The following HDAC4 variants were observed in gnomAD, a reference collection of about 807,000 sequenced individuals.
HDAC4 encodes histone deacetylase 4.
HDAC4 carries 16 observed loss-of-function variants against 135.1 expected under a neutral mutation model. That is an observed-to-expected ratio of 0.12 (90% CI 0.08 to 0.18). The LOEUF is 0.18. HDAC4 is among the 10% of genes least tolerant of loss of function. The pLI is 1.00. For missense variants in HDAC4, 1,143 were observed against 1,511.8 expected (o/e 0.76, Z 4.05); for synonymous variants, 685 against 653.4 (o/e 1.05, Z -0.74).
intron 4 of HDAC4, among the ~76,000 whole-genome samples, chr2:239,188,606 G>T (rs542526648): frequency 3.3e-5 from 5 of 152,342 alleles, no homozygotes; most frequent in African/African-American, 1.2e-4. Context: ...CAGTTGCCAC[G>T]AACCACGTGT....
chr2:239,188,744 G>A (rs777989055), intron 4 of HDAC4, among the ~76,000 whole-genome samples: 8 of 152,248 alleles, frequency 5.3e-5, no homozygotes, highest in Non-Finnish European at 1.0e-4. Context: ...ATCAGGGCAC[G>A]AGAGACCCTG....
At chr2:239,370,025 C>T (rs752102525) in intron 1 of HDAC4, among the ~76,000 whole-genome samples, 13 of 152,202 alleles carry the variant, frequency 8.5e-5, no homozygotes, top group Non-Finnish European at 1.0e-4. Flanking sequence ...GCGTGGCTGG[C>T]GACACACTTC....
intron 22 of HDAC4, among the ~76,000 whole-genome samples, chr2:239,075,532 C>T (rs1291622076): frequency 6.6e-6 from 1 of 152,200 alleles, no homozygotes; most frequent in Non-Finnish European, 1.5e-5. Context: ...CCCAGGGAAG[C>T]CATGACTGTG....
chr2:239,123,992 A>C (rs575559910), intron 12 of HDAC4, among the ~76,000 whole-genome samples: 3 of 150,210 alleles, frequency 2.0e-5, no homozygotes, highest in African/African-American at 7.3e-5. Flanking sequence ...CCTGAAATCC[A>C]GGGAAGCAAC....
At chr2:239,371,108 C>T (rs2126005972) in intron 1 of HDAC4, among the ~76,000 whole-genome samples, 1 of 152,350 alleles carries the variant, frequency 6.6e-6, no homozygotes, top group East Asian at 1.9e-4. Context: ...AGGACAGAGT[C>T]CACCTTTGTC....
intron 3 of HDAC4, among the ~76,000 whole-genome samples, chr2:239,191,880 G>T (rs1306609818): frequency 6.6e-6 from 1 of 152,250 alleles, no homozygotes; most frequent in Non-Finnish European, 1.5e-5. Context: ...AAGCAACCCA[G>T]AAGGTGACAG....
intron 1 of HDAC4, among the ~76,000 whole-genome samples, chr2:239,357,475 G>A (rs1453001623): frequency 6.6e-6 from 1 of 150,682 alleles, no homozygotes; most frequent in Non-Finnish European, 1.5e-5. Flanking sequence ...AGTAACAGAA[G>A]ACAACAGAAC....
intron 7 of HDAC4, among the ~76,000 whole-genome samples, chr2:239,145,391 GTGAA>G (rs1234956267): frequency 3.0e-4 from 32 of 106,522 alleles, no homozygotes; most frequent in African/African-American, 1.9e-3. Context: ...GTCGGTTTCT[GTGAA>G]CAGCTCTGCC....
chr2:239,348,137 C>T (rs1196872283), intron 2 of HDAC4, among the ~76,000 whole-genome samples: 2 of 149,876 alleles, frequency 1.3e-5, no homozygotes, highest in African/African-American at 4.9e-5. Flanking sequence ...CAGACACGTC[C>T]CAGCAAATCC....
chr2:239,282,637 ACCACTCTACAAACAATGTACACC>A (rs2050861358), intron 2 of HDAC4, among the ~76,000 whole-genome samples: 1 of 141,586 alleles, frequency 7.1e-6, no homozygotes, highest in Admixed American at 6.9e-5. Flanking sequence ...CAATGTACAC[ACCACTCTACAAACAATGTACACC>A]CCACTCTACA....
intron 2 of HDAC4, among the ~76,000 whole-genome samples, chr2:239,238,850 A>G (rs2048030270): frequency 6.6e-6 from 1 of 152,208 alleles, no homozygotes. Flanking sequence ...GTTTCAGATC[A>G]AGGTGCAGCT....
At chr2:239,083,994 T>C (rs1015109617) in intron 20 of HDAC4, among the ~76,000 whole-genome samples, 161 bp downstream of exon 20, 1 of 152,226 alleles carries the variant, frequency 6.6e-6, no homozygotes, top group Admixed American at 6.5e-5. Context: ...CAATGACTTG[T>C]AGCAGGTTTG....
intron 3 of HDAC4, among the ~76,000 whole-genome samples, chr2:239,197,352 G>A (rs556874206): frequency 5.9e-5 from 9 of 152,238 alleles, no homozygotes; most frequent in South Asian, 2.1e-4. Context: ...GTCTCTCTCC[G>A]GGTATCTATA....
chr2:239,280,713 T>C (rs2050658143), intron 2 of HDAC4, among the ~76,000 whole-genome samples: 1 of 151,986 alleles, frequency 6.6e-6, no homozygotes, highest in Non-Finnish European at 1.5e-5. Flanking sequence ...GCAAACTCCA[T>C]CCAAGTCTTG....
Position 239,139,518 on chromosome 2 carries a change from G to A in HDAC4, c.978+166C>T, listed in dbSNP as rs891286062. On this transcript the variant is annotated intron_variant, in intron 9 of 26. Coordinates refer to ENST00000543185, the MANE Select transcript of HDAC4 (RefSeq NM_001378414.1). The surrounding 1 kb of genome is among the most constrained non-coding windows in gnomAD (Gnocchi z 5.3). Reference sequence around the variant, plus strand: ...TCTGTGATGAGAGGAAGGCAGGAGAGTAACCTCCAACTGCGTCCTTTTTAG... The same window carrying A: ...TCTGTGATGAGAGGAAGGCAGGAGAATAACCTCCAACTGCGTCCTTTTTAG... Among the ~76,000 whole-genome samples, 2 of 152,250 alleles carry A rather than the reference G, an allele frequency of 1.3e-5. No homozygotes were observed. The highest frequency in any genetic ancestry group is 2.4e-5 in the African/African-American group (1 of 41,470).
At chr2:239,098,948 G>A (rs1055171665) in intron 16 of HDAC4, among the ~76,000 whole-genome samples, 1 of 152,236 alleles carries the variant, frequency 6.6e-6, no homozygotes, top group Non-Finnish European at 1.5e-5. Flanking sequence ...GAAAGAACAA[G>A]AAATAGAATG....
chr2:239,356,821 T>C (rs1008200566), intron 1 of HDAC4, among the ~76,000 whole-genome samples: 1 of 152,120 alleles, frequency 6.6e-6, no homozygotes, highest in African/African-American at 2.4e-5. Flanking sequence ...ATTTCAACAA[T>C]CATGAGTCTA....
chr2:239,280,833 C>A (rs928312075), intron 2 of HDAC4, among the ~76,000 whole-genome samples: 1 of 149,410 alleles, frequency 6.7e-6, no homozygotes, highest in African/African-American at 2.5e-5. Context: ...CTACAATGTA[C>A]ACACCACTCT....
chr2:239,273,265 G>A (rs1293219429), intron 2 of HDAC4, among the ~76,000 whole-genome samples: 1 of 152,100 alleles, frequency 6.6e-6, no homozygotes, highest in Non-Finnish European at 1.5e-5. Flanking sequence ...GGAGGACAAG[G>A]TGAACATCAA....
Sources: allele counts gnomAD v4.1 joint callset (sites outside exome capture counted in the v4.1 genomes callset), GRCh38; gene constraint gnomAD v4.1.1; non-coding constraint Gnocchi (gnomAD v3.1); transcripts MANE v1.5; gene names NCBI Gene and HGNC (gene_info 2026-07-23, HGNC 2026-07-21).